The following PCDHA10 variants were observed in gnomAD, a reference collection of about 807,000 sequenced individuals.
PCDHA10 encodes protocadherin alpha 10, also known as protocadherin alpha-10.
Under a neutral mutation model 61.2 loss-of-function variants are expected in PCDHA10, and 45 were observed. The observed-to-expected ratio is 0.74, with a 90% CI of 0.58 to 0.94. The LOEUF (loss-of-function observed/expected upper bound fraction) is 0.94. PCDHA10 is among the 40% of genes least tolerant of loss of function. PCDHA10 has a pLI of 0.00. For synonymous variants in PCDHA10, 602 were observed against 548.8 expected (o/e 1.10, Z -1.35); for missense variants, 1,278 against 1,236.2 (o/e 1.03, Z -0.51).
At position 140,884,316 on chromosome 5, in the gene PCDHA10, C is replaced by T. The variant is rs563652109; in HGVS notation, c.2388+25880C>T. The T allele has an allele frequency of 3.1e-6, 5 of 1,613,752 alleles. No individual in the cohort carries two copies. The East Asian group carries it at 8.9e-5, about 29-fold the overall frequency. On this transcript the variant is annotated intron_variant, in intron 1 of 3. Coordinates refer to ENST00000307360, the MANE Select transcript of PCDHA10 (RefSeq NM_018901.4). ...GCGCCACAGGCTTCGTCGAGGGCGT[C>T]GGCAGGCGCTGTGGGTCCAGAAGCG...
chr5:140,860,911 G>A (rs1302618157), intron 1 of PCDHA10: 1 of 152,150 alleles, frequency 6.6e-6, no homozygotes, highest in Non-Finnish European at 1.5e-5. Context: ...CTAATTTTTT[G>A]TATTTTTAGT....
chr5:140,875,179 A>G, intron 1 of PCDHA10: 1 of 444,474 alleles, frequency 2.2e-6, no homozygotes, highest in East Asian at 4.2e-5. Context: ...AAACATTAGA[A>G]TTAAGAGTGA....
intron 3 of PCDHA10, among the ~76,000 whole-genome samples, chr5:140,998,686 T>G (rs1245765431): frequency 6.6e-6 from 1 of 152,118 alleles, no homozygotes; most frequent in Non-Finnish European, 1.5e-5. Context: ...TGCCTCAGCC[T>G]CCCAAGTAGC....
intron 3 of PCDHA10, among the ~76,000 whole-genome samples, chr5:140,992,017 CTGTG>C (rs10602499): frequency 0.28 from 40,265 of 145,404 alleles, 5,754 homozygotes; most frequent in East Asian, 0.38. Flanking sequence ...AGAGGTGGCT[CTGTG>C]TGTGTGTGTG....
At chr5:140,999,524 C>T (rs1367103048) in intron 3 of PCDHA10, among the ~76,000 whole-genome samples, 1 of 152,026 alleles carries the variant, frequency 6.6e-6, no homozygotes, top group Non-Finnish European at 1.5e-5. Context: ...ATTTTGTTAC[C>T]CCCTGGATAT....
At chr5:140,863,023 G>T (rs782495275) in intron 1 of PCDHA10, 12 of 553,926 alleles carry the variant, frequency 2.2e-5, no homozygotes, top group South Asian at 1.5e-4. Context: ...CCTGGTTGTC[G>T]CAACAGCTGC....
At chr5:140,953,948 C>A (rs1012464637) in intron 1 of PCDHA10, among the ~76,000 whole-genome samples, 2 of 152,092 alleles carry the variant, frequency 1.3e-5, no homozygotes, top group Non-Finnish European at 2.9e-5. Context: ...CATTGCTCCC[C>A]CAACAGGCCC....
At position 140,857,799 on chromosome 5, in the gene PCDHA10, T is replaced by A. The variant is rs1554150681; in HGVS notation, c.1751T>A (p.Val584Glu). 1 of 1,597,340 alleles carries A rather than the reference T, an allele frequency of 6.3e-7. No homozygotes were observed. Among genetic ancestry groups the A allele is most frequent in the Non-Finnish European group, 8.6e-7 (1 of 1,167,450 alleles). ...GAVSELVLRSVVAGHVVAKVR... is the reference protein window; with the variant it reads ...GAVSELVLRSEVAGHVVAKVR... ...GTCAGTGAGCTGGTGCTGCGGTCGG[T>A]GGTTGCGGGTCACGTGGTGGCTAAG... The change falls in exon 1 of 4, where the codon GTG becomes GAG. Residue 584 changes from valine to glutamate, a missense_variant. By Grantham distance (121) the Val-to-Glu change is moderately radical. Transcript: ENST00000307360.
At chr5:140,927,265 C>T in intron 1 of PCDHA10, 1 of 1,614,168 alleles carries the variant, frequency 6.2e-7, no homozygotes. Context: ...ACCTCTCTTT[C>T]CTGCCGGCGA....
intron 2 of PCDHA10, 69 bp downstream of exon 2, chr5:140,979,076 C>G: frequency 6.3e-7 from 1 of 1,584,068 alleles, no homozygotes; most frequent in South Asian, 1.1e-5. Flanking sequence ...AACTGCATCT[C>G]CATAGGCCAG....
intron 1 of PCDHA10, among the ~76,000 whole-genome samples, chr5:140,905,871 G>C (rs889363141): frequency 6.6e-6 from 1 of 152,078 alleles, no homozygotes; most frequent in African/African-American, 2.4e-5. Context: ...ACAATCACAA[G>C]GCCCAACAAT....
chr5:140,875,432 T>C (rs1268206649), intron 1 of PCDHA10: 3 of 1,559,782 alleles, frequency 1.9e-6, no homozygotes, highest in Non-Finnish European at 2.6e-6. Flanking sequence ...AGCGATCCCT[T>C]AAAACTGATT....
chr5:140,883,263 G>T (rs562257406), intron 1 of PCDHA10: 2 of 1,613,988 alleles, frequency 1.2e-6, no homozygotes, highest in Admixed American at 1.7e-5. Flanking sequence ...CCAATGGCGG[G>T]TCATTGTACC....
intron 1 of PCDHA10, among the ~76,000 whole-genome samples, chr5:140,961,023 A>G (rs1216128174): frequency 6.6e-6 from 1 of 152,146 alleles, no homozygotes. Flanking sequence ...GACACTTGCT[A>G]CCTCCTTGTT....
Position 141,007,401 on chromosome 5 carries a change from A to G in PCDHA10, c.2537-2226A>G, listed in dbSNP as rs981008239. On this transcript the variant is annotated intron_variant, in intron 3 of 3. Coordinates refer to ENST00000307360, the MANE Select transcript of PCDHA10 (RefSeq NM_018901.4). Reference sequence around the variant, plus strand: ...CACCATCTCTACTAAAATACAAAAAAAAAAAAAAAAAAAAAAATTAGCCAG... The same window carrying G: ...CACCATCTCTACTAAAATACAAAAAGAAAAAAAAAAAAAAAAATTAGCCAG... Among the ~76,000 whole-genome samples the G allele has an allele frequency of 7.4e-4, 110 of 149,582 alleles. 1 individual carries two copies. Among genetic ancestry groups the G allele is most frequent in the Non-Finnish European group, 9.7e-4 (65 of 67,302 alleles).
intron 3 of PCDHA10, among the ~76,000 whole-genome samples, chr5:140,985,903 C>G (rs1554247500): frequency 6.6e-6 from 1 of 151,964 alleles, no homozygotes; most frequent in Non-Finnish European, 1.5e-5. Context: ...CCACTCCCGT[C>G]TAATTTTTTG....
intron 1 of PCDHA10, among the ~76,000 whole-genome samples, chr5:140,919,585 G>A (rs2079204849): frequency 6.6e-6 from 1 of 151,898 alleles, no homozygotes; most frequent in African/African-American, 2.4e-5. Flanking sequence ...ATGTAACATG[G>A]TAATTTTTAA....
intron 1 of PCDHA10, chr5:140,881,365 T>G (rs1216010175): frequency 2.0e-6 from 2 of 985,144 alleles, no homozygotes; most frequent in Non-Finnish European, 2.4e-6. Context: ...GGCTTTCGTA[T>G]GAATTGCAGC....
chr5:140,869,919 A>G (rs1554163602), intron 1 of PCDHA10: 3 of 1,611,440 alleles, frequency 1.9e-6, no homozygotes. Flanking sequence ...GAGACGAAGG[A>G]GTCAATGGAG....
Sources: allele counts gnomAD v4.1 joint callset (sites outside exome capture counted in the v4.1 genomes callset), GRCh38; gene constraint gnomAD v4.1.1; transcripts MANE v1.5; gene names NCBI Gene and HGNC (gene_info 2026-07-23, HGNC 2026-07-21).